Variants in PTPRG observed in about 807,000 individuals in gnomAD.
The protein encoded by PTPRG is protein tyrosine phosphatase receptor type G.
PTPRG carries 102 observed loss-of-function variants against 165.3 expected under a neutral mutation model. That is an observed-to-expected ratio of 0.62 (90% CI 0.53 to 0.73). The LOEUF is 0.73. Ranked by LOEUF, PTPRG falls within the 30% of genes least tolerant of loss-of-function variation. The pLI, the probability that PTPRG is intolerant of heterozygous loss-of-function variation, is 0.00. For synonymous variants in PTPRG, 675 were observed against 669.5 expected, an observed-to-expected ratio of 1.01 and a Z score of -0.13; for missense variants, 1,866 against 1,861.4, an observed-to-expected ratio of 1.00 and a Z score of -0.05.
At chr3:62,264,360 T>C (rs901265633) in intron 17 of PTPRG, among the ~76,000 whole-genome samples, 2 of 152,004 alleles carry the variant, frequency 1.3e-5, no homozygotes, top group African/African-American at 4.8e-5. Context: ...GGTTTTAGTA[T>C]ATTCACGGAG....
chr3:62,197,085 C>G (rs770634822), intron 10 of PTPRG, among the ~76,000 whole-genome samples: 2 of 152,176 alleles, frequency 1.3e-5, no homozygotes, highest in African/African-American at 4.8e-5. Flanking sequence ...GGAGTGAGGA[C>G]CTCTGGTCTG....
intron 2 of PTPRG, among the ~76,000 whole-genome samples, chr3:61,944,274 C>T (rs2039701889): frequency 6.6e-6 from 1 of 152,192 alleles, no homozygotes; most frequent in Admixed American, 6.5e-5. Flanking sequence ...GGCTGAGAGC[C>T]ACTGAGTTGT....
At chr3:62,111,711 A>G (rs111310878) in intron 5 of PTPRG, among the ~76,000 whole-genome samples, 2,064 of 152,234 alleles carry the variant, frequency 0.014, 41 homozygotes, top group African/African-American at 0.047. Flanking sequence ...GGCCTCCCAA[A>G]GTGCTGGGAT....
At position 61,634,950 on chromosome 3, in the gene PTPRG, C is replaced by T. The variant is rs143240849; in HGVS notation, c.85+72578C>T. Among the ~76,000 whole-genome samples the T allele has an allele frequency of 5.3e-5, 8 of 152,322 alleles. No homozygotes were observed. In the East Asian group the frequency reaches 1.4e-3, roughly 26 times the overall value. ...TGGCAGTTCTCTAATCTCCTTGACA[C>T]TTCAGTGTTTGATTGCATTCGTTTG... On this transcript the variant is annotated intron_variant, in intron 1 of 29. Coordinates refer to ENST00000474889, the MANE Select transcript of PTPRG (RefSeq NM_002841.4).
At chr3:61,746,150 G>A (rs754317856) in intron 1 of PTPRG, among the ~76,000 whole-genome samples, 11 of 145,326 alleles carry the variant, frequency 7.6e-5, no homozygotes, top group Admixed American at 1.4e-4. Flanking sequence ...TCACGCTATC[G>A]TCCCACCTCA....
chr3:61,975,602 A>G (rs544493091), intron 2 of PTPRG, among the ~76,000 whole-genome samples: 1 of 152,288 alleles, frequency 6.6e-6, no homozygotes, highest in South Asian at 2.1e-4. Flanking sequence ...TCACCATGGA[A>G]GTCCTAAAAT....
intron 2 of PTPRG, among the ~76,000 whole-genome samples, chr3:61,975,686 A>G (rs560968199): frequency 1.3e-5 from 2 of 150,282 alleles, no homozygotes; most frequent in East Asian, 2.0e-4. Context: ...TATGGTGGCA[A>G]CTTTGTTTGC....
intron 2 of PTPRG, among the ~76,000 whole-genome samples, chr3:61,811,019 G>A (rs191726162): frequency 8.9e-4 from 135 of 152,238 alleles, no homozygotes; most frequent in African/African-American, 3.2e-3. Context: ...GCCCAGGTGA[G>A]GTAGACCTGA....
At chr3:61,636,891 G>C (rs891474899) in intron 1 of PTPRG, among the ~76,000 whole-genome samples, 1 of 152,066 alleles carries the variant, frequency 6.6e-6, no homozygotes, top group South Asian at 2.1e-4. Context: ...TATTAGTCTG[G>C]TTCCGCCTTG....
chr3:61,872,798 A>G (rs149383673), intron 2 of PTPRG, among the ~76,000 whole-genome samples: 168 of 152,300 alleles, frequency 1.1e-3, no homozygotes, highest in Non-Finnish European at 2.3e-3. Context: ...CAGTTTGGAT[A>G]TGACTCTTTT....
intron 13 of PTPRG, among the ~76,000 whole-genome samples, chr3:62,225,844 G>A (rs914937180): frequency 2.6e-5 from 4 of 151,798 alleles, no homozygotes; most frequent in African/African-American, 2.4e-5. Flanking sequence ...TGGTAGAGAC[G>A]GATTTTGCCA....
chr3:61,696,668 A>G (rs538566455), intron 1 of PTPRG, among the ~76,000 whole-genome samples: 1 of 152,348 alleles, frequency 6.6e-6, no homozygotes, highest in East Asian at 1.9e-4. Context: ...ATGGAGGAGC[A>G]GGTAACCGGA....
chr3:61,941,841 A>G (rs2039637943), intron 2 of PTPRG, among the ~76,000 whole-genome samples: 1 of 152,020 alleles, frequency 6.6e-6, no homozygotes, highest in Non-Finnish European at 1.5e-5. Flanking sequence ...GCATGTAAGA[A>G]TAGATTTTTT....
intron 1 of PTPRG, among the ~76,000 whole-genome samples, chr3:61,608,088 G>T (rs1701063548): frequency 6.6e-6 from 1 of 152,120 alleles, no homozygotes; most frequent in Non-Finnish European, 1.5e-5. Flanking sequence ...TGTCCTGTGG[G>T]TGGCCAGTTT....
At chr3:61,741,838 T>C (rs1436139831) in intron 1 of PTPRG, among the ~76,000 whole-genome samples, 1 of 152,198 alleles carries the variant, frequency 6.6e-6, no homozygotes, top group Admixed American at 6.5e-5. Flanking sequence ...GACATTCATA[T>C]ACACAAATCT....
At chr3:61,925,444 T>G (rs1472767593) in intron 2 of PTPRG, among the ~76,000 whole-genome samples, 2 of 152,156 alleles carry the variant, frequency 1.3e-5, no homozygotes, top group East Asian at 3.9e-4. Context: ...AAACTTCTCC[T>G]TAAAAATCAC....
intron 5 of PTPRG, among the ~76,000 whole-genome samples, chr3:62,087,396 T>A (rs1383472053): frequency 6.6e-6 from 1 of 152,222 alleles, no homozygotes. Flanking sequence ...CAACCGTTCT[T>A]ACCTCTCTTT....
At chr3:62,138,401 T>G (rs79768269) in intron 6 of PTPRG, among the ~76,000 whole-genome samples, 3,988 of 152,226 alleles carry the variant, frequency 0.026, 243 homozygotes, top group East Asian at 0.25. Flanking sequence ...GCATCAACAA[T>G]TTTACCTAAC....
chr3:62,281,538 C>CTGGTTTTTTTTTTTTTTTTTTTTTTT (rs1702439785), intron 26 of PTPRG, 25 bp from the exon 27 acceptor site: 1 of 497,854 alleles, frequency 2.0e-6, no homozygotes, highest in Non-Finnish European at 2.6e-6. Flanking sequence ...ACTGCAGAGG[C>CTGGTTTTTTTTTTTTTTTTTTTTTTT]TTTTTTTTTT....
Sources: allele counts gnomAD v4.1 joint callset (sites outside exome capture counted in the v4.1 genomes callset), GRCh38; gene constraint gnomAD v4.1.1; transcripts MANE v1.5; gene names NCBI Gene and HGNC (gene_info 2026-07-23, HGNC 2026-07-21).